KANSL2: variants seen among roughly 807,000 people sequenced by gnomAD.
KANSL2 encodes KAT8 regulatory NSL complex subunit 2, also known as NSL complex protein NSL2.
KANSL2 carries 34 observed loss-of-function variants against 55.6 expected under a neutral mutation model. The ratio of observed to expected loss-of-function variants is 0.61; its 90% CI spans 0.46 to 0.81. The LOEUF (loss-of-function observed/expected upper bound fraction) is 0.81. KANSL2 is among the 40% of genes least tolerant of loss of function. The pLI is 0.00. For missense variants in KANSL2, 502 were observed against 609.9 expected, an observed-to-expected ratio of 0.82 and a Z score of 1.86; for synonymous variants, 209 against 214.3, an observed-to-expected ratio of 0.98 and a Z score of 0.22.
chr12:48,668,793 A>T (rs1020368793), intron 6 of KANSL2, among the ~76,000 whole-genome samples: 1 of 152,068 alleles, frequency 6.6e-6, no homozygotes, highest in African/African-American at 2.4e-5. Context: ...TGCAATCCCA[A>T]CACTTTGGGA....
chr12:48,677,088 T>C lies in KANSL2; in HGVS notation c.545+1948A>G, dbSNP rs61522435. Among the ~76,000 whole-genome samples the C allele has an allele frequency of 5.9e-3, 893 of 152,330 alleles. 8 individuals carry two copies. Among genetic ancestry groups the C allele is most frequent in the African/African-American group, 0.02 (815 of 41,578 alleles). On this transcript the variant is annotated intron_variant, in intron 4 of 9. Transcript: ENST00000420613. ...CTCTATTTACATGCCTAAAAATGCA[T>C]AAATTTAGTGGGTCTAAATTTTTTT...
chr12:48,669,520 A>T (rs568373940), intron 5 of KANSL2, among the ~76,000 whole-genome samples: 22 of 149,582 alleles, frequency 1.5e-4, no homozygotes, highest in South Asian at 1.1e-3. Flanking sequence ...CTGGAAAAAA[A>T]ATTTTTTTTT....
At chr12:48,672,409 G>GTATATATATA (rs10622680) in intron 4 of KANSL2, among the ~76,000 whole-genome samples, 23 of 123,378 alleles carry the variant, frequency 1.9e-4, no homozygotes, top group East Asian at 1.2e-3. Context: ...ATATATATAC[G>GTATATATATA]TATATATATA....
At chr12:48,663,384 T>C (rs539288857) in intron 7 of KANSL2, among the ~76,000 whole-genome samples, 1 of 152,340 alleles carries the variant, frequency 6.6e-6, no homozygotes, top group Admixed American at 6.5e-5. Flanking sequence ...AAAAATTGTA[T>C]ATTTTAAATT....
intron 7 of KANSL2, chr12:48,662,597 G>A (rs1939508366): frequency 1.6e-6 from 2 of 1,286,946 alleles, no homozygotes; most frequent in Non-Finnish European, 2.0e-6. Flanking sequence ...GTCGAGTGCT[G>A]TCTCCATTAG....
chr12:48,669,044 GA>G, intron 6 of KANSL2, 61 bp downstream of exon 6: 2 of 1,345,558 alleles, frequency 1.5e-6, no homozygotes, highest in Non-Finnish European at 2.0e-6. Context: ...ACTCCGTCTC[GA>G]AAAAATAAAA....
chr12:48,663,719 ATG>A (rs1027787719), intron 7 of KANSL2, among the ~76,000 whole-genome samples: 24 of 152,308 alleles, frequency 1.6e-4, no homozygotes, highest in Admixed American at 1.2e-3. Context: ...CATATAAAAT[ATG>A]TGTTAGGAAG....
chr12:48,679,624 C>T (rs1592110645), intron 3 of KANSL2, 31 bp downstream of exon 3: 1 of 1,596,674 alleles, frequency 6.3e-7, no homozygotes, highest in Non-Finnish European at 8.6e-7. Flanking sequence ...CTTTCTTCCT[C>T]CTTTTTCATT....
intron 5 of KANSL2, among the ~76,000 whole-genome samples, chr12:48,670,855 T>A (rs1939699628): frequency 6.6e-6 from 1 of 152,108 alleles, no homozygotes; most frequent in Non-Finnish European, 1.5e-5. Flanking sequence ...TAGTCCTAGT[T>A]ACTCAGGAGG....
intron 4 of KANSL2, among the ~76,000 whole-genome samples, chr12:48,673,443 C>T (rs1171938624): frequency 6.6e-6 from 1 of 151,634 alleles, no homozygotes; most frequent in Non-Finnish European, 1.5e-5. Flanking sequence ...GCCTATAATC[C>T]CAGCTACTCG....
At chr12:48,671,517 T>C (rs1446490245) in intron 5 of KANSL2, among the ~76,000 whole-genome samples, 4 of 152,192 alleles carry the variant, frequency 2.6e-5, no homozygotes, top group Non-Finnish European at 5.9e-5. Flanking sequence ...TTTTATGCCA[T>C]AATTTAACTG....
In KANSL2 at chr12:48,679,827, G is replaced by A. The variant is rs762940013; in HGVS notation, c.258C>T (p.Ser86=). The A allele has an allele frequency of 2.5e-6, 4 of 1,600,138 alleles. No homozygotes were observed. Among genetic ancestry groups the A allele is most frequent in the Non-Finnish European group, 3.4e-6 (4 of 1,173,006 alleles). The change falls in exon 3 of 10, where the codon TCC becomes TCT. Residue 86 remains serine (S), a synonymous_variant. Coordinates refer to ENST00000420613, the MANE Select transcript of KANSL2 (RefSeq NM_017822.4). ...TCCTACGGACATGTTCAGCACAGAA[G>A]GACACCCTGAAGAGACAAAACATTA... ...APKPEKKDGV[S]FCAEHVRRNA...
At position 48,667,726 on chromosome 12, in the gene KANSL2, G is replaced by T; in HGVS notation, c.940C>A (p.Gln314Lys). Residue 314 changes from glutamine (Q) to lysine (K), a missense_variant, in exon 7 of 10, where the codon CAG (glutamine) becomes AAG (lysine). By Grantham distance (53) the Gln-to-Lys change is moderately conservative. Coordinates refer to ENST00000420613, the MANE Select transcript of KANSL2 (RefSeq NM_017822.4). ...CAGTGTCTGGTCATTGGAAGAGACT[G>T]ATTGGAACAACGAACATCATCCACA... ...AFVDDVRCSN[Q>K]SLPMTRHCLT... 2 of 1,613,906 alleles carry T rather than the reference G, an allele frequency of 1.2e-6. No homozygotes were observed. The highest frequency in any genetic ancestry group is 1.7e-6 in the Non-Finnish European group (2 of 1,179,784).
At chr12:48,657,434 T>A (rs1939407321) in intron 8 of KANSL2, among the ~76,000 whole-genome samples, 1 of 151,580 alleles carries the variant, frequency 6.6e-6, no homozygotes, top group Non-Finnish European at 1.5e-5. Context: ...CAAAAAAAAA[T>A]AATAAAATAA....
chr12:48,673,285 C>T (rs78785053), intron 4 of KANSL2, among the ~76,000 whole-genome samples: 5,410 of 152,226 alleles, frequency 0.036, 143 homozygotes, highest in African/African-American at 0.071. Flanking sequence ...TCTGGCCAGG[C>T]ACGGTGGCTC....
chr12:48,672,429 A>ATTT (rs1217365630), intron 4 of KANSL2, among the ~76,000 whole-genome samples: 2 of 89,778 alleles, frequency 2.2e-5, no homozygotes, highest in African/African-American at 7.5e-5. Flanking sequence ...ATATATATAT[A>ATTT]TATATTTTTT....
At chr12:48,677,105 A>T (rs959493675) in intron 4 of KANSL2, among the ~76,000 whole-genome samples, 1 of 152,212 alleles carries the variant, frequency 6.6e-6, no homozygotes, top group East Asian at 1.9e-4. Flanking sequence ...AGTGGGTCTA[A>T]ATTTTTTTAA....
intron 6 of KANSL2, 125 bp from the exon 7 acceptor site, chr12:48,667,914 T>C: frequency 1.4e-6 from 1 of 691,630 alleles, no homozygotes. Flanking sequence ...AAAAATAGAT[T>C]CACCAATATT....
chr12:48,678,815 T>C (rs1039945529), intron 4 of KANSL2, among the ~76,000 whole-genome samples: 35 of 152,290 alleles, frequency 2.3e-4, no homozygotes, highest in African/African-American at 8.4e-4. Flanking sequence ...ACGTAGAATT[T>C]GGTGTTCAAA....
Sources: allele counts gnomAD v4.1 joint callset (sites outside exome capture counted in the v4.1 genomes callset), GRCh38; gene constraint gnomAD v4.1.1; transcripts MANE v1.5; gene names NCBI Gene and HGNC (gene_info 2026-07-23, HGNC 2026-07-21).